LTBP4: variants seen among roughly 807,000 people sequenced by gnomAD.
LTBP4 encodes latent transforming growth factor beta binding protein 4, also known as latent-transforming growth factor beta-binding protein 4.
In LTBP4, 93 loss-of-function variants were observed where a neutral mutation model predicts 180.2. That is an observed-to-expected ratio of 0.52 (90% confidence interval 0.44 to 0.61). The LOEUF (loss-of-function observed/expected upper bound fraction) is 0.61. Among genes scored for constraint, LTBP4 ranks in the 20% least tolerant of loss-of-function variants. The pLI, the probability that LTBP4 is intolerant of heterozygous loss-of-function variation, is 0.00. For synonymous variants in LTBP4, 947 were observed against 934.5 expected (o/e 1.01, Z -0.24); for missense variants, 2,116 against 2,256.5 (o/e 0.94, Z 1.26).
Position 40,611,131 on chromosome 19 carries a change from C to T in LTBP4, c.1811-21C>T, listed in dbSNP as rs755176613. ...GGAGGCAGAGGGGAACAAGTGACCC[C>T]GGGCCCCCTGCCCTGTGCAGATGTG... On this transcript the variant is annotated intron_variant, in intron 12 of 29. Coordinates refer to ENST00000396819, the MANE Select transcript of LTBP4 (RefSeq NM_001042545.2). This position sits in a 1 kb window ranked among gnomAD's most constrained non-coding sequence, Gnocchi z 4.4. 7.5e-6 allele frequency: 12 copies of T among 1,610,238 alleles called. No individual in the cohort carries two copies. Among genetic ancestry groups the T allele is most frequent in the East Asian group, 6.7e-5 (3 of 44,766 alleles).
chr19:40,615,192 G>GC (rs1355441791), intron 19 of LTBP4: 1 of 133,892 alleles, frequency 7.5e-6, no homozygotes, highest in Non-Finnish European at 1.6e-5. Context: ...TTTTGTGTCG[G>GC]CGGGGGGGGG....
intron 29 of LTBP4, 110 bp downstream of exon 29, chr19:40,627,967 C>G (rs1413719106): frequency 5.0e-6 from 7 of 1,395,896 alleles, no homozygotes; most frequent in Non-Finnish European, 5.7e-6. Context: ...GACCTCACTA[C>G]AGGGGACGGG....
At chr19:40,607,261 A>AACCCCCCCC in intron 6 of LTBP4, 104 bp from the exon 7 acceptor site, 3 of 490,448 alleles carry the variant, frequency 6.1e-6, no homozygotes, top group Non-Finnish European at 6.7e-6. Flanking sequence ...GCACCCACCA[A>AACCCCCCCC]CCCCCCACCC....
intron 7 of LTBP4, among the ~76,000 whole-genome samples, 182 bp downstream of exon 7, chr19:40,607,711 C>A (rs2081473769): frequency 6.6e-6 from 1 of 152,246 alleles, no homozygotes; most frequent in African/African-American, 2.4e-5. Context: ...CCACCTCCAT[C>A]TGTAGCCACA....
At chr19:40,627,884 C>T (rs764717568) in intron 29 of LTBP4, 27 bp downstream of exon 29, 1 of 1,546,438 alleles carries the variant, frequency 6.5e-7, no homozygotes, top group Non-Finnish European at 8.7e-7. Context: ...GGCCAGCATG[C>T]GCAGGGAGAG....
rs753913403 is a variant in LTBP4, at chr19:40,616,897, G to A, written c.2821G>A (p.Glu941Lys). ...TCCTCCACACTCTGCAGATGTGGAT[G>A]AGTGCCAAGAATATGGTCCCGAGAT... is the stretch of plus-strand genomic sequence containing the variant. ...GPEGTCDDVDECQEYGPEICG... is the reference protein window; with the variant it reads ...GPEGTCDDVDKCQEYGPEICG... Residue 941 changes from glutamate (E) to lysine (K), a missense_variant, in exon 20 of 30, where the codon GAG (glutamate) becomes AAG (lysine). Around this residue, in one of 5 missense-constraint regions of LTBP4, gnomAD observed 877 missense variants for 873.6 expected, o/e 1.00. Coordinates refer to ENST00000396819, the MANE Select transcript of LTBP4 (RefSeq NM_001042545.2). 9 of 1,613,992 alleles carry A rather than the reference G, an allele frequency of 5.6e-6. No individual in the cohort carries two copies. Among genetic ancestry groups the A allele is most frequent in the Non-Finnish European group, 6.8e-6 (8 of 1,179,896 alleles).
chr19:40,601,172 GCCCCGCTCAC>G (rs1338958103), upstream of LTBP4, among the ~76,000 whole-genome samples: 2 of 152,120 alleles, frequency 1.3e-5, no homozygotes, highest in South Asian at 2.1e-4. Flanking sequence ...CAGAGGGGGC[GCCCCGCTCAC>G]CCCTGCGAGT....
chr19:40,629,708 G>C lies in LTBP4; in HGVS notation c.*158G>C, dbSNP rs939224636. On this transcript the variant is annotated 3_prime_UTR_variant, in exon 30 of 30. Transcript: ENST00000396819. The surrounding 1 kb of genome is among the most constrained non-coding windows in gnomAD (Gnocchi z 4.5). ...AGCTGCGACGCCCTGCACTGCTCCC[G>C]CCTCCACCAGCGCCTCCCACTGATG... 1 of 668,290 alleles carries C rather than the reference G, an allele frequency of 1.5e-6. No individual in the cohort carries two copies. The highest frequency in any genetic ancestry group is 2.1e-6 in the Non-Finnish European group (1 of 476,608). The allele number at this position is 668,290 out of a possible 1,614,324, so 41.4% of individuals were successfully genotyped here. A position where few individuals can be genotyped will look rare whatever the true frequency, so the allele number is the denominator to read the frequency against.
chr19:40,614,250 C>T, intron 18 of LTBP4, 65 bp from the exon 19 acceptor site: 2 of 1,567,904 alleles, frequency 1.3e-6, no homozygotes, highest in Non-Finnish European at 1.7e-6. Flanking sequence ...TCTCCTCTCC[C>T]CTCTTTGTAT....
chr19:40,608,695 C>G, intron 9 of LTBP4, 92 bp downstream of exon 9: 1 of 1,453,474 alleles, frequency 6.9e-7, no homozygotes, highest in South Asian at 1.2e-5. Flanking sequence ...GGTGGATCAC[C>G]AGGTCAGGAG....
At position 40,622,099 on chromosome 19, in the gene LTBP4, A is replaced by G. The variant is rs974480942; in HGVS notation, c.3218-302A>G. 3.9e-5 allele frequency among the ~76,000 whole-genome samples: 6 copies of G among 152,246 alleles called. No homozygotes were observed. Among genetic ancestry groups the G allele is most frequent in the Middle Eastern group, 3.4e-3 (1 of 294 alleles). ...ACTCAGCCAGTTTGCCACACACTGG[A>G]TAAGAGACCCAGAGAGGCATCCAGG... On this transcript the variant is annotated intron_variant, in intron 22 of 29. Coordinates refer to ENST00000396819, the MANE Select transcript of LTBP4 (RefSeq NM_001042545.2). This position sits in a 1 kb window ranked among gnomAD's most constrained non-coding sequence, Gnocchi z 5.1.
intron 1 of LTBP4, among the ~76,000 whole-genome samples, chr19:40,604,644 G>T (rs2081445966): frequency 6.6e-6 from 1 of 152,184 alleles, no homozygotes; most frequent in Non-Finnish European, 1.5e-5. Context: ...AGGAGTTCAA[G>T]ACCAGCCTGG....
Position 40,609,669 on chromosome 19 carries a change from A to G in LTBP4, c.1558+8A>G. 6.2e-7 allele frequency: 1 copy of G among 1,612,604 alleles called. No individual in the cohort carries two copies. Among genetic ancestry groups the G allele is most frequent in the Non-Finnish European group, 8.5e-7 (1 of 1,179,264 alleles). On this transcript the variant is annotated splice_region_variant and intron_variant, in intron 10 of 29. Coordinates refer to ENST00000396819, the MANE Select transcript of LTBP4 (RefSeq NM_001042545.2). The surrounding 1 kb of genome is among the most constrained non-coding windows in gnomAD (Gnocchi z 4.9). ...AGGGCACCCGATGCATTGGTGAGCA[A>G]GACGGAGGGCGCGGAAGGAGGCGGG...
rs2081557405 is a variant in LTBP4, at chr19:40,617,299, A to G, written c.3070+74A>G. 2.6e-6 allele frequency: 4 copies of G among 1,511,514 alleles called. No homozygotes were observed. The Admixed American group carries it at 6.4e-5, about 24-fold the overall frequency. 93.6% of individuals were successfully genotyped at this position (1,511,514 alleles called of 1,614,324 possible). A position where few individuals can be genotyped will look rare whatever the true frequency, so the allele number is the denominator to read the frequency against. ...GGTCAGGCCCTGTCCCTCCCCATAT[A>G]TCTGAACAAATGGGAATTTTCGGGT... On this transcript the variant is annotated intron_variant, in intron 21 of 29. Transcript: ENST00000396819.
upstream of LTBP4, chr19:40,597,210 G>T: frequency 6.9e-7 from 1 of 1,439,684 alleles, no homozygotes; most frequent in East Asian, 2.9e-5. Context: ...CCGCCCGCCC[G>T]GAGCGGGACT....
At chr19:40,598,036 TCC>T (rs1017242974), upstream of LTBP4, among the ~76,000 whole-genome samples, 2 of 151,934 alleles carry the variant, frequency 1.3e-5, no homozygotes, top group African/African-American at 4.8e-5. Context: ...GATCCAGGAT[TCC>T]CTATAGATCT....
Position 40,609,428 on chromosome 19 carries a change from A to G in LTBP4, c.1427-102A>G, listed in dbSNP as rs1411827100. The G allele has an allele frequency of 1.4e-6, 2 of 1,438,856 alleles. No homozygotes were observed. The highest frequency in any genetic ancestry group is 2.8e-5 in the African/African-American group (2 of 70,718). The allele number at this position is 1,438,856 out of a possible 1,614,324, so 89.1% of individuals were successfully genotyped here. On this transcript the variant is annotated intron_variant, in intron 9 of 29. Coordinates refer to ENST00000396819, the MANE Select transcript of LTBP4 (RefSeq NM_001042545.2). The surrounding 1 kb of genome is among the most constrained non-coding windows in gnomAD (Gnocchi z 4.9). ...GGGCTTGCTTGGGGAGGAGACATCC[A>G]TGAAGGTGTTTTATGGATGTCTCCG...
chr19:40,611,778 T>C lies in LTBP4; in HGVS notation c.2054-81T>C. On this transcript the variant is annotated intron_variant, in intron 13 of 29. Transcript: ENST00000396819. This position sits in a 1 kb window ranked among gnomAD's most constrained non-coding sequence, Gnocchi z 4.4. ...CAAGTCCAGAAGGCAGGCTCAAGAC[T>C]GGAATGCTGGGGTGGGTGGTGATGG... 1 of 1,523,080 alleles carries C rather than the reference T, an allele frequency of 6.6e-7. No homozygotes were observed. Among genetic ancestry groups the C allele is most frequent in the Admixed American group, 2.0e-5 (1 of 50,564 alleles). The allele number at this position is 1,523,080 out of a possible 1,614,324, so 94.3% of individuals were successfully genotyped here.
intron 24 of LTBP4, 122 bp from the exon 25 acceptor site, chr19:40,623,482 C>G (rs1256152421): frequency 7.7e-7 from 1 of 1,294,290 alleles, no homozygotes; most frequent in East Asian, 2.6e-5. Context: ...GCCTCTCCAT[C>G]TTTCTTTCCC....
Sources: allele counts gnomAD v4.1 joint callset (sites outside exome capture counted in the v4.1 genomes callset), GRCh38; gene constraint gnomAD v4.1.1; regional missense constraint gnomAD v4.1.1; non-coding constraint Gnocchi (gnomAD v3.1); transcripts MANE v1.5; gene names NCBI Gene and HGNC (gene_info 2026-07-23, HGNC 2026-07-21).